HDAC9: variants seen among roughly 807,000 people sequenced by gnomAD.
HDAC9 encodes the protein MEF-2 interacting transcription repressor (MITR) protein.
Under a neutral mutation model 139.4 loss-of-function variants are expected in HDAC9, and 41 were observed. The observed-to-expected ratio is 0.29, with a 90% CI of 0.23 to 0.38. The LOEUF (loss-of-function observed/expected upper bound fraction) is 0.38, where lower values mean the gene tolerates loss of function less well. HDAC9 is among the 10% of genes least tolerant of loss of function. The pLI, the probability that HDAC9 is intolerant of heterozygous loss-of-function variation, is 1.00. For missense variants in HDAC9, 1,147 were observed against 1,297.0 expected, an observed-to-expected ratio of 0.88 and a Z score of 1.78; for synonymous variants, 517 against 476.2, an observed-to-expected ratio of 1.09 and a Z score of -1.12.
chr7:18,741,168 C>T (rs1369170928), intron 13 of HDAC9, among the ~76,000 whole-genome samples: 1 of 152,160 alleles, frequency 6.6e-6, no homozygotes, highest in African/African-American at 2.4e-5. Context: ...CTACACTAAA[C>T]AACAAATTTC....
chr7:18,743,895 C>T (rs1280171138), intron 13 of HDAC9, among the ~76,000 whole-genome samples: 1 of 151,540 alleles, frequency 6.6e-6, no homozygotes, highest in East Asian at 1.9e-4. Flanking sequence ...GAAGATCATT[C>T]CGTCTTTAAA....
intron 1 of HDAC9, among the ~76,000 whole-genome samples, chr7:18,335,288 C>T (rs1422663149): frequency 1.3e-5 from 2 of 151,460 alleles, no homozygotes; most frequent in Non-Finnish European, 3.0e-5. Flanking sequence ...AACAATTTAG[C>T]AATAGCTGCA....
chr7:18,952,423 C>T (rs1032925266), intron 23 of HDAC9, among the ~76,000 whole-genome samples: 1 of 151,976 alleles, frequency 6.6e-6, no homozygotes, highest in African/African-American at 2.4e-5. Context: ...AGGATTTTTA[C>T]CCCAAAGTCA....
At chr7:18,852,055 G>A (rs1407674901) in intron 21 of HDAC9, among the ~76,000 whole-genome samples, 1 of 152,162 alleles carries the variant, frequency 6.6e-6, no homozygotes, top group Non-Finnish European at 1.5e-5. Flanking sequence ...TGCAGAAATG[G>A]TACACCTCTG....
chr7:18,763,364 A>G (rs191562006), intron 15 of HDAC9, among the ~76,000 whole-genome samples: 10 of 152,326 alleles, frequency 6.6e-5, no homozygotes, highest in Non-Finnish European at 1.5e-4. Context: ...ATATGCCCAC[A>G]CATGCGTGTA....
intron 17 of HDAC9, among the ~76,000 whole-genome samples, chr7:18,823,770 G>GT (rs1795165215): frequency 6.6e-6 from 1 of 151,974 alleles, no homozygotes; most frequent in African/African-American, 2.4e-5. Context: ...CTTGAGCTCA[G>GT]GAGTTTGAGA....
At chr7:18,489,541 A>G (rs538105351) in intron 1 of HDAC9, among the ~76,000 whole-genome samples, 1 of 152,098 alleles carries the variant, frequency 6.6e-6, no homozygotes, top group East Asian at 1.9e-4. Flanking sequence ...CTTGAAGAAA[A>G]TTTAGTTACA....
At chr7:18,144,205 A>T (rs73315759) in intron 1 of HDAC9, among the ~76,000 whole-genome samples, 3,618 of 152,334 alleles carry the variant, frequency 0.024, 144 homozygotes, top group African/African-American at 0.081. Flanking sequence ...GATAAACAAG[A>T]TAAAGTCACC....
chr7:18,305,464 G>GCTTC (rs755871883), intron 1 of HDAC9, among the ~76,000 whole-genome samples: 7 of 152,178 alleles, frequency 4.6e-5, no homozygotes, highest in Non-Finnish European at 8.8e-5. Context: ...GGAATAGTTT[G>GCTTC]CTTCCACTGA....
chr7:18,589,551 TA>T (rs1035891208), intron 3 of HDAC9, among the ~76,000 whole-genome samples: 1 of 151,822 alleles, frequency 6.6e-6, no homozygotes, highest in Non-Finnish European at 1.5e-5. Flanking sequence ...AAAATAAAAA[TA>T]AAAAAGAGTG....
At chr7:18,353,004 A>C (rs1467355937) in intron 1 of HDAC9, among the ~76,000 whole-genome samples, 1 of 152,158 alleles carries the variant, frequency 6.6e-6, no homozygotes, top group Non-Finnish European at 1.5e-5. Context: ...ATGAACAAAT[A>C]CCCTGCTAGT....
chr7:18,645,306 G>A (rs1364112181), intron 9 of HDAC9, among the ~76,000 whole-genome samples: 1 of 152,106 alleles, frequency 6.6e-6, no homozygotes, highest in African/African-American at 2.4e-5. Context: ...TGACTCTCTG[G>A]TACTGGCGAA....
intron 25 of HDAC9, among the ~76,000 whole-genome samples, 188 bp from the exon 26 acceptor site, chr7:18,995,835 G>C (rs1006307903): frequency 5.3e-5 from 8 of 152,056 alleles, no homozygotes; most frequent in Non-Finnish European, 1.0e-4. Flanking sequence ...GTGATTGCTT[G>C]GATCGAAAAT....
chr7:18,727,808 T>A, intron 13 of HDAC9, 51 bp downstream of exon 13: 1 of 1,339,360 alleles, frequency 7.5e-7, no homozygotes. Flanking sequence ...TGCCCCGTTC[T>A]TGTAGGATTA....
intron 2 of HDAC9, among the ~76,000 whole-genome samples, chr7:18,531,303 T>A (rs1301651114): frequency 6.6e-6 from 1 of 152,140 alleles, no homozygotes; most frequent in Non-Finnish European, 1.5e-5. Context: ...TAGCAAACTG[T>A]AAGCATCATA....
At chr7:18,817,298 T>G (rs1044153348) in intron 17 of HDAC9, among the ~76,000 whole-genome samples, 2 of 152,096 alleles carry the variant, frequency 1.3e-5, no homozygotes, top group Non-Finnish European at 2.9e-5. Context: ...CCTCCCAAAG[T>G]GCTGGGTTTA....
intron 1 of HDAC9, among the ~76,000 whole-genome samples, chr7:18,315,643 T>C (rs1484398586): frequency 6.6e-6 from 1 of 152,250 alleles, no homozygotes; most frequent in Non-Finnish European, 1.5e-5. Context: ...CAGCACTACA[T>C]AATTTAAGTG....
At chr7:18,804,850 A>G (rs927229663) in intron 17 of HDAC9, among the ~76,000 whole-genome samples, 40 of 152,174 alleles carry the variant, frequency 2.6e-4, no homozygotes, top group Non-Finnish European at 7.4e-5. Context: ...GCTGGTGTGC[A>G]GGGGCGTAAT....
At chr7:18,861,916 A>G (rs572650171) in intron 21 of HDAC9, among the ~76,000 whole-genome samples, 1 of 152,268 alleles carries the variant, frequency 6.6e-6, no homozygotes, top group Non-Finnish European at 1.5e-5. Context: ...TATATGTGCT[A>G]TTTGTTTGTA....
Sources: gnomAD v4.1 joint callset for allele counts (sites outside exome capture counted in the v4.1 genomes callset) on GRCh38, gnomAD v4.1.1 for gene constraint, MANE v1.5 for transcripts, NCBI Gene and HGNC (gene_info 2026-07-23, HGNC 2026-07-21) for gene names.